Variants in CNBD1 observed in about 807,000 individuals in gnomAD.
The protein encoded by CNBD1 is cyclic nucleotide binding domain containing 1.
Under a neutral mutation model 54.4 loss-of-function variants are expected in CNBD1, and 71 were observed. The observed-to-expected ratio is 1.30, with a 90% CI of 1.08 to 1.59. The LOEUF (loss-of-function observed/expected upper bound fraction) is 1.59. Ranked by LOEUF, CNBD1 falls within the 40% of genes most tolerant of loss-of-function variation. The pLI is 0.00. For synonymous variants in CNBD1, 182 were observed against 170.7 expected (o/e 1.07, Z -0.51); for missense variants, 659 against 518.0 (o/e 1.27, Z -2.64).
intron 6 of CNBD1, among the ~76,000 whole-genome samples, chr8:87,266,830 G>T (rs906798094): frequency 6.6e-6 from 1 of 152,014 alleles, no homozygotes; most frequent in Admixed American, 6.6e-5. Flanking sequence ...AGGGCAGTTG[G>T]TTATACAGAC....
chr8:86,906,358 G>A (rs1338122648), intron 3 of CNBD1, among the ~76,000 whole-genome samples: 4 of 152,156 alleles, frequency 2.6e-5, no homozygotes, highest in African/African-American at 9.6e-5. Flanking sequence ...AAATCTCTGG[G>A]AGATGGAGTT....
chr8:87,053,330 G>A (rs984072394), intron 4 of CNBD1, among the ~76,000 whole-genome samples: 5 of 152,146 alleles, frequency 3.3e-5, no homozygotes, highest in Admixed American at 6.5e-5. Flanking sequence ...TTGGTAATAA[G>A]GCCACGCTCT....
At chr8:87,349,204 G>T (rs1406324943) in intron 8 of CNBD1, among the ~76,000 whole-genome samples, 6 of 152,114 alleles carry the variant, frequency 3.9e-5, no homozygotes, top group Non-Finnish European at 8.8e-5. Context: ...GAGGAGGAAA[G>T]GGTATCCAAA....
intron 2 of CNBD1, among the ~76,000 whole-genome samples, chr8:87,416,624 C>A (rs1807841125): frequency 6.6e-6 from 1 of 152,034 alleles, no homozygotes; most frequent in South Asian, 2.1e-4. Context: ...CTGGAAGATT[C>A]ACCTTGGAAG....
intron 1 of CNBD1, among the ~76,000 whole-genome samples, chr8:86,874,165 T>C (rs1285054175): frequency 6.6e-6 from 1 of 152,246 alleles, no homozygotes; most frequent in Admixed American, 6.5e-5. Flanking sequence ...TTAGCTTTGT[T>C]CTTTTTTCTT....
rs550188661 is a variant in CNBD1, at chr8:87,392,637, T to G, written c.214-35909T>G. Among the ~76,000 whole-genome samples, 9 of 152,084 alleles carry G rather than the reference T, an allele frequency of 5.9e-5. No homozygotes were observed. In the South Asian group the frequency reaches 1.9e-3, roughly 32 times the overall value. On this transcript the variant is annotated intron_variant, in intron 2 of 7. Coordinates refer to the CNBD1 transcript ENST00000521593. Reference sequence around the variant, plus strand: ...TATCAGAAAGTCGATTAGCTGTTGCTAGGCATGAGGAAGAGGGTGGAGAGG... The same window carrying G: ...TATCAGAAAGTCGATTAGCTGTTGCGAGGCATGAGGAAGAGGGTGGAGAGG...
chr8:87,256,997 T>G (rs995107620), intron 6 of CNBD1, among the ~76,000 whole-genome samples: 1 of 152,068 alleles, frequency 6.6e-6, no homozygotes, highest in African/African-American at 2.4e-5. Context: ...GAAAATATAC[T>G]GTAACATAAT....
In CNBD1 at chr8:87,300,119, A is replaced by T. The variant is rs531257627; in HGVS notation, c.1042+13448A>T. Among the ~76,000 whole-genome samples the T allele has an allele frequency of 1.6e-4, 24 of 152,362 alleles. No homozygotes were observed. The South Asian group carries it at 4.3e-3, about 28-fold the overall frequency. ...GCAAATCAGTTATCCATAAGTCAGC[A>T]TCACTTGCAGTTTAAAAAATATAAA... On this transcript the variant is annotated intron_variant, in intron 8 of 10. Transcript: ENST00000518476.
rs2943161 is a variant in CNBD1, at chr8:87,163,970, C to T, written c.432-42023C>T. ...CTTTATTGTATTGAGATACTTTCCTCCTGTACCTAATTTGTTGAGAATTTC... is the reference window on the plus strand; with the variant it reads ...CTTTATTGTATTGAGATACTTTCCTTCTGTACCTAATTTGTTGAGAATTTC... On this transcript the variant is annotated intron_variant, in intron 4 of 10. Coordinates refer to ENST00000518476, the MANE Select transcript of CNBD1 (RefSeq NM_173538.3). The surrounding 1 kb of genome is among the most constrained non-coding windows in gnomAD (Gnocchi z 4.5). Among the ~76,000 whole-genome samples the T allele has an allele frequency of 0.57, 86,562 of 151,656 alleles. 26,094 individuals are homozygous for T. The highest frequency in any genetic ancestry group is 0.78 in the African/African-American group (32,185 of 41,434).
intron 8 of CNBD1, among the ~76,000 whole-genome samples, chr8:87,328,632 T>G (rs1268631735): frequency 6.6e-6 from 1 of 152,058 alleles, no homozygotes; most frequent in Non-Finnish European, 1.5e-5. Context: ...TTTGTCTGTT[T>G]ATCTATAAAA....
intron 4 of CNBD1, among the ~76,000 whole-genome samples, chr8:87,120,842 G>A (rs959489354): frequency 4.6e-5 from 7 of 151,884 alleles, no homozygotes; most frequent in Non-Finnish European, 1.0e-4. Flanking sequence ...CTATGTTAAT[G>A]AGAGCTATTA....
At chr8:87,295,988 T>C (rs965417841) in intron 8 of CNBD1, among the ~76,000 whole-genome samples, 4 of 152,126 alleles carry the variant, frequency 2.6e-5, no homozygotes, top group African/African-American at 9.7e-5. Context: ...GCTATGAATA[T>C]TATTTATAAC....
intron 1 of CNBD1, among the ~76,000 whole-genome samples, chr8:86,885,872 C>A (rs533721751): frequency 4.6e-5 from 7 of 152,290 alleles, no homozygotes; most frequent in African/African-American, 1.4e-4. Context: ...ACCTCTACTG[C>A]TATAGCTTTT....
intron 4 of CNBD1, among the ~76,000 whole-genome samples, chr8:87,172,151 T>A (rs1206464170): frequency 6.6e-6 from 1 of 152,082 alleles, no homozygotes; most frequent in Non-Finnish European, 1.5e-5. Flanking sequence ...TTCTTCTTGT[T>A]ATTAACAAGA....
At chr8:86,896,346 C>T (rs1042465991) in intron 2 of CNBD1, among the ~76,000 whole-genome samples, 3 of 152,022 alleles carry the variant, frequency 2.0e-5, no homozygotes, top group African/African-American at 7.2e-5. Context: ...ACCAATAGTA[C>T]TTCGTTAAAG....
intron 10 of CNBD1, among the ~76,000 whole-genome samples, chr8:87,365,410 T>A (rs1407145657): frequency 6.6e-6 from 1 of 152,064 alleles, no homozygotes; most frequent in Non-Finnish European, 1.5e-5. Flanking sequence ...CTTTGTCAGA[T>A]GTGTAGTTAG....
intron 4 of CNBD1, among the ~76,000 whole-genome samples, chr8:87,115,891 G>A (rs949837328): frequency 1.3e-5 from 2 of 152,062 alleles, no homozygotes; most frequent in Non-Finnish European, 2.9e-5. Flanking sequence ...TGTGCATCGG[G>A]CCTTCTGTCA....
intron 4 of CNBD1, among the ~76,000 whole-genome samples, chr8:87,113,265 G>T (rs897599060): frequency 6.6e-6 from 1 of 152,158 alleles, no homozygotes; most frequent in Non-Finnish European, 1.5e-5. Context: ...ATTGGATGGG[G>T]ACACCTATAG....
intron 4 of CNBD1, among the ~76,000 whole-genome samples, chr8:87,204,152 T>C (rs1813920749): frequency 6.6e-6 from 1 of 152,208 alleles, no homozygotes; most frequent in Admixed American, 6.5e-5. Flanking sequence ...AAACTTTTTT[T>C]GGAGCATAAT....
Sources: allele counts gnomAD v4.1 joint callset (sites outside exome capture counted in the v4.1 genomes callset), GRCh38; gene constraint gnomAD v4.1.1; non-coding constraint Gnocchi (gnomAD v3.1); transcripts MANE v1.5; gene names NCBI Gene and HGNC (gene_info 2026-07-23, HGNC 2026-07-21).